Variants in NKAIN2 observed in about 807,000 individuals in gnomAD.
NKAIN2 encodes sodium/potassium transporting ATPase interacting 2, also known as sodium/potassium-transporting ATPase subunit beta-1-interacting protein 2.
In NKAIN2, 14 loss-of-function variants were observed where a neutral mutation model predicts 32.6. That is an observed-to-expected ratio of 0.43 (90% CI 0.28 to 0.67). The LOEUF is 0.67. Ranked by LOEUF, NKAIN2 falls within the 30% of genes least tolerant of loss-of-function variation. The pLI is 0.17. For missense variants in NKAIN2, 198 were observed against 258.3 expected, an observed-to-expected ratio of 0.77 and a Z score of 1.60; for synonymous variants, 80 against 87.2, an observed-to-expected ratio of 0.92 and a Z score of 0.46.
At chr6:123,959,922 T>TAC (rs1777764618) in intron 1 of NKAIN2, among the ~76,000 whole-genome samples, 1 of 127,372 alleles carries the variant, frequency 7.9e-6, no homozygotes, top group East Asian at 2.3e-4. Flanking sequence ...ATGTCTTCCA[T>TAC]ATATGTGTGT....
At chr6:124,777,739 AC>A (rs1048769319) in intron 4 of NKAIN2, among the ~76,000 whole-genome samples, 1 of 152,094 alleles carries the variant, frequency 6.6e-6, no homozygotes, top group African/African-American at 2.4e-5. Context: ...AATCATACTC[AC>A]AAACAAATTC....
chr6:124,094,980 TA>T (rs1308755469), intron 1 of NKAIN2, among the ~76,000 whole-genome samples: 1 of 152,166 alleles, frequency 6.6e-6, no homozygotes, highest in Non-Finnish European at 1.5e-5. Context: ...ACAGAGTACT[TA>T]ACTTTTTTAA....
chr6:124,579,567 C>T (rs1703974704), intron 3 of NKAIN2, among the ~76,000 whole-genome samples: 1 of 152,180 alleles, frequency 6.6e-6, no homozygotes, highest in Non-Finnish European at 1.5e-5. Flanking sequence ...AAGAATTAAG[C>T]CCACCCACCA....
intron 1 of NKAIN2, among the ~76,000 whole-genome samples, chr6:123,909,931 T>C (rs1016964269): frequency 2.0e-5 from 3 of 151,924 alleles, no homozygotes; most frequent in Admixed American, 2.0e-4. Flanking sequence ...TACAATGAAA[T>C]GGGTGATTAT....
chr6:124,407,114 G>C (rs1475505235), intron 3 of NKAIN2, among the ~76,000 whole-genome samples: 2 of 151,736 alleles, frequency 1.3e-5, no homozygotes, highest in African/African-American at 4.8e-5. Context: ...CCAAACTCCA[G>C]GTCACAAAAA....
At chr6:124,396,470 C>A (rs531056750) in intron 3 of NKAIN2, among the ~76,000 whole-genome samples, 1 of 149,756 alleles carries the variant, frequency 6.7e-6, no homozygotes, top group African/African-American at 2.5e-5. Flanking sequence ...TTCAATGAGG[C>A]TTGGAAAAAG....
At chr6:124,630,441 G>T (rs1048020623) in intron 3 of NKAIN2, among the ~76,000 whole-genome samples, 2 of 152,102 alleles carry the variant, frequency 1.3e-5, no homozygotes, top group Non-Finnish European at 2.9e-5. Flanking sequence ...GAAAAGGATG[G>T]TCATTAACTT....
At chr6:123,974,689 G>A (rs1162236610) in intron 1 of NKAIN2, among the ~76,000 whole-genome samples, 2 of 152,168 alleles carry the variant, frequency 1.3e-5, no homozygotes, top group African/African-American at 4.8e-5. Context: ...AGAAAGGTCA[G>A]CTAACACAGA....
intron 4 of NKAIN2, among the ~76,000 whole-genome samples, chr6:124,671,936 G>A (rs112787338): frequency 2.6e-5 from 4 of 151,816 alleles, no homozygotes; most frequent in African/African-American, 9.7e-5. Flanking sequence ...GAATGGGGCA[G>A]TTAGCTTTAA....
chr6:124,272,627 TGC>T (rs1185305305), intron 1 of NKAIN2, among the ~76,000 whole-genome samples: 1 of 152,144 alleles, frequency 6.6e-6, no homozygotes, highest in African/African-American at 2.4e-5. Flanking sequence ...ACTGGCCCAC[TGC>T]CTAGTGGAGC....
intron 1 of NKAIN2, among the ~76,000 whole-genome samples, chr6:124,167,238 C>G (rs1788598579): frequency 2.7e-5 from 4 of 150,790 alleles, no homozygotes; most frequent in African/African-American, 9.8e-5. Context: ...CTTCATGTCC[C>G]TTGTAAGTTG....
At chr6:124,150,151 G>C (rs1371440045) in intron 1 of NKAIN2, among the ~76,000 whole-genome samples, 1 of 152,040 alleles carries the variant, frequency 6.6e-6, no homozygotes, top group Non-Finnish European at 1.5e-5. Flanking sequence ...CCTTTCAGAA[G>C]GTTTGCATCC....
At chr6:124,440,483 C>T (rs1030220242) in intron 3 of NKAIN2, among the ~76,000 whole-genome samples, 39 of 152,092 alleles carry the variant, frequency 2.6e-4, no homozygotes, top group Non-Finnish European at 4.7e-4. Flanking sequence ...CTCAGATCCT[C>T]ATACCTGAGA....
At chr6:124,391,397 CT>C (rs1773135953) in intron 3 of NKAIN2, among the ~76,000 whole-genome samples, 2 of 152,036 alleles carry the variant, frequency 1.3e-5, no homozygotes, top group Non-Finnish European at 2.9e-5. Flanking sequence ...ATGATAGGAC[CT>C]TTTGAAGTCC....
intron 1 of NKAIN2, among the ~76,000 whole-genome samples, chr6:123,910,499 G>GT (rs35165515): frequency 0.38 from 30,756 of 80,964 alleles, 7,723 homozygotes; most frequent in Admixed American, 0.47. Flanking sequence ...TGCAATGCAT[G>GT]TTTTTTTTTT....
At chr6:124,066,267 A>T (rs777265307) in intron 1 of NKAIN2, among the ~76,000 whole-genome samples, 4 of 152,072 alleles carry the variant, frequency 2.6e-5, no homozygotes, top group Non-Finnish European at 5.9e-5. Flanking sequence ...CAAATTATAG[A>T]TATATTTTGA....
At chr6:124,003,641 G>C (rs1487302026) in intron 1 of NKAIN2, among the ~76,000 whole-genome samples, 20 of 152,168 alleles carry the variant, frequency 1.3e-4, no homozygotes, top group Admixed American at 1.3e-3. Flanking sequence ...AAGTGAGTGG[G>C]AGTGACCTAA....
At chr6:124,246,127 G>A (rs2114792590) in intron 1 of NKAIN2, among the ~76,000 whole-genome samples, 1 of 152,040 alleles carries the variant, frequency 6.6e-6, no homozygotes, top group Non-Finnish European at 1.5e-5. Flanking sequence ...TTTAACCATA[G>A]TTTCTGTTAT....
At chr6:124,766,447 T>A (rs1378795678) in intron 4 of NKAIN2, among the ~76,000 whole-genome samples, 3 of 152,176 alleles carry the variant, frequency 2.0e-5, no homozygotes, top group Non-Finnish European at 4.4e-5. Context: ...CAGCCACCTG[T>A]CCCTTCCACG....
Sources: gnomAD v4.1 joint callset for allele counts (sites outside exome capture counted in the v4.1 genomes callset) on GRCh38, gnomAD v4.1.1 for gene constraint, MANE v1.5 for transcripts, NCBI Gene and HGNC (gene_info 2026-07-23, HGNC 2026-07-21) for gene names.